CLIP2: variants seen among roughly 807,000 people sequenced by gnomAD.
CLIP2 encodes CAP-Gly domain containing linker protein 2, also known as CAP-Gly domain-containing linker protein 2.
In CLIP2, 41 loss-of-function variants were observed where a neutral mutation model predicts 111.7. That is an observed-to-expected ratio of 0.37 (90% confidence interval 0.29 to 0.48). The LOEUF is 0.48. CLIP2 is among the 20% of genes least tolerant of loss of function. The pLI is 0.99. For synonymous variants in CLIP2, 660 were observed against 644.2 expected (o/e 1.02, Z -0.37); for missense variants, 1,160 against 1,422.1 (o/e 0.82, Z 2.96).
Position 74,376,856 on chromosome 7 carries a change from G to A in CLIP2, c.2421+34G>A. On this transcript the variant is annotated intron_variant, in intron 10 of 16. Coordinates refer to ENST00000223398, the MANE Select transcript of CLIP2 (RefSeq NM_003388.5). This position sits in a 1 kb window ranked among gnomAD's most constrained non-coding sequence, Gnocchi z 7.1. Reference sequence around the variant, plus strand: ...CTGCCCCTCCTGCTGGGGCGGGAGGGTCGGGCTGGGGAGGGCTTGGCCTTT... The same window carrying A: ...CTGCCCCTCCTGCTGGGGCGGGAGGATCGGGCTGGGGAGGGCTTGGCCTTT... 2 of 1,509,362 alleles carry A rather than the reference G, an allele frequency of 1.3e-6. No homozygotes were observed. Among genetic ancestry groups the A allele is most frequent in the Non-Finnish European group, 1.8e-6 (2 of 1,128,968 alleles). The allele number at this position is 1,509,362 out of a possible 1,614,324, so 93.5% of individuals were successfully genotyped here. A position where few individuals can be genotyped will look rare whatever the true frequency, so the allele number is the denominator to read the frequency against.
chr7:74,356,666 G>T (rs781821696), intron 5 of CLIP2, 43 bp downstream of exon 5: 1 of 1,553,632 alleles, frequency 6.4e-7, no homozygotes. Flanking sequence ...GTGTGCGTTT[G>T]GGAGGGGTGA....
intron 15 of CLIP2, 21 bp from the exon 16 acceptor site, chr7:74,401,484 T>C (rs1554317628): frequency 3.1e-6 from 5 of 1,613,466 alleles, no homozygotes; most frequent in Admixed American, 3.3e-5. Flanking sequence ...CCTGGCTCAG[T>C]GTCTCCCCTA....
chr7:74,364,992 GTTGTGTGTGTGTGT>G (rs1197669070), intron 8 of CLIP2: 14 of 307,582 alleles, frequency 4.6e-5, no homozygotes, highest in Admixed American at 3.8e-4. Context: ...CCTGTTTTTT[GTTGTGTGTGTGTGT>G]GTGTGTGTGT....
intron 13 of CLIP2, among the ~76,000 whole-genome samples, chr7:74,394,911 G>A (rs1283235533): frequency 2.0e-5 from 3 of 152,144 alleles, no homozygotes; most frequent in Non-Finnish European, 2.9e-5. Flanking sequence ...CACCTTCTCC[G>A]AGGAAGCTTT....
At chr7:74,341,335 G>T (rs1041523281) in intron 3 of CLIP2, among the ~76,000 whole-genome samples, 2 of 149,628 alleles carry the variant, frequency 1.3e-5, no homozygotes, top group Non-Finnish European at 3.0e-5. Context: ...CTACAGGCAC[G>T]CACCATCACG....
chr7:74,378,461 T>G (rs1790857594), intron 10 of CLIP2, among the ~76,000 whole-genome samples: 1 of 151,850 alleles, frequency 6.6e-6, no homozygotes, highest in African/African-American at 2.4e-5. Context: ...AATTTAGGGG[T>G]GGGTGTGGTG....
At chr7:74,325,250 GTC>G (rs1554730535) in intron 2 of CLIP2, among the ~76,000 whole-genome samples, 1 of 152,144 alleles carries the variant, frequency 6.6e-6, no homozygotes, top group Non-Finnish European at 1.5e-5. Context: ...CTTTGAGAGG[GTC>G]TCTCACGCTA....
intron 3 of CLIP2, among the ~76,000 whole-genome samples, chr7:74,349,283 T>C (rs962670794): frequency 6.6e-6 from 1 of 150,718 alleles, no homozygotes; most frequent in East Asian, 2.0e-4. Flanking sequence ...ATACAAAAAT[T>C]AGCTGGGCGT....
chr7:74,338,725 G>C lies in CLIP2; in HGVS notation c.399G>C (p.Pro133=), dbSNP rs782204931. ...AVGGVRYFEC[P]ALQGIFTRPS... is the part of the protein sequence containing the mutation. ...GCGGCGTGCGCTACTTCGAGTGCCC[G>C]GCCCTCCAGGGTATCTTCACGCGGC... Residue 133 remains proline (P), a synonymous_variant, in exon 3 of 17, where the codon CCG becomes CCC. Coordinates refer to ENST00000223398, the MANE Select transcript of CLIP2 (RefSeq NM_003388.5). This position sits in a 1 kb window ranked among gnomAD's most constrained non-coding sequence, Gnocchi z 4.3. The C allele has an allele frequency of 6.3e-7, 1 of 1,592,810 alleles. No individual in the cohort carries two copies. Among genetic ancestry groups the C allele is most frequent in the East Asian group, 2.3e-5 (1 of 43,886 alleles).
Position 74,338,830 on chromosome 7 carries a change from C to A in CLIP2, c.504C>A (p.Asn168Lys), listed in dbSNP as rs1302563709. 60 of 1,611,048 alleles carry A rather than the reference C, an allele frequency of 3.7e-5. No homozygotes were observed. Among genetic ancestry groups the A allele is most frequent in the Non-Finnish European group, 5.0e-5 (59 of 1,179,926 alleles). ...AHSVESLTAQ[N>K]LSLHSGTATP... ...CCGTGGAGTCGCTGACTGCCCAGAA[C>A]CTGTCATTGCATTCGGGCACGGCCA... is the stretch of plus-strand genomic sequence containing the variant. Residue 168 changes from asparagine (N) to lysine (K), a missense_variant, in exon 3 of 17, where the codon AAC (asparagine) becomes AAA (lysine). Physicochemically the swap from Asn to Lys is moderately conservative, Grantham distance 94. Coordinates refer to ENST00000223398, the MANE Select transcript of CLIP2 (RefSeq NM_003388.5). The surrounding 1 kb of genome is among the most constrained non-coding windows in gnomAD (Gnocchi z 4.3).
At chr7:74,372,401 T>TGGGGG (rs797027650) in intron 8 of CLIP2, among the ~76,000 whole-genome samples, 1 of 13,414 alleles carries the variant, frequency 7.5e-5, no homozygotes, top group Non-Finnish European at 1.4e-4. Context: ...AGCACAGGCC[T>TGGGGG]TGGGGGGGGG....
At chr7:74,346,452 G>C (rs1789798168) in intron 3 of CLIP2, among the ~76,000 whole-genome samples, 1 of 152,228 alleles carries the variant, frequency 6.6e-6, no homozygotes, top group Non-Finnish European at 1.5e-5. Flanking sequence ...TCTGGGCACA[G>C]TGGCTCACGC....
At chr7:74,389,367 T>C in intron 13 of CLIP2, 108 bp downstream of exon 13, 2 of 1,211,892 alleles carry the variant, frequency 1.7e-6, no homozygotes, top group East Asian at 2.7e-5. Context: ...ATAGAGCTGG[T>C]GGGCCAGGTG....
At chr7:74,336,833 T>G (rs1789475638) in intron 2 of CLIP2, among the ~76,000 whole-genome samples, 1 of 151,466 alleles carries the variant, frequency 6.6e-6, no homozygotes. Context: ...TGCAAGCCTG[T>G]GATTACTATG....
In CLIP2 at chr7:74,337,509, G is replaced by A. The variant is rs376835150; in HGVS notation, c.122-939G>A. 2.3e-4 allele frequency among the ~76,000 whole-genome samples: 35 copies of A among 152,190 alleles called. No individual in the cohort carries two copies. In the East Asian group the frequency reaches 6.0e-3, roughly 26 times the overall value. ...GCTGAGGGCCTGAGCCCACCTGGTG[G>A]GGGGGTGGCTTGTAATCCTTGAGAA... is the stretch of plus-strand genomic sequence containing the variant. On this transcript the variant is annotated intron_variant, in intron 2 of 16. Transcript: ENST00000223398.
intron 2 of CLIP2, among the ~76,000 whole-genome samples, chr7:74,320,119 C>A (rs1788903762): frequency 6.7e-6 from 1 of 149,588 alleles, no homozygotes; most frequent in Admixed American, 6.7e-5. Context: ...TTGCTTGAAC[C>A]CGGGAGGCGG....
At chr7:74,306,240 GC>G (rs1788484960) in intron 1 of CLIP2, among the ~76,000 whole-genome samples, 1 of 152,136 alleles carries the variant, frequency 6.6e-6, no homozygotes, top group Non-Finnish European at 1.5e-5. Context: ...CAGGGGCTGT[GC>G]TGAGCCTACC....
chr7:74,386,412 A>G, intron 11 of CLIP2, 109 bp from the exon 12 acceptor site: 1 of 793,892 alleles, frequency 1.3e-6, no homozygotes. Context: ...TGGACCCTGG[A>G]GGCCAAGTGT....
chr7:74,398,671 C>G (rs1186086908), intron 14 of CLIP2, among the ~76,000 whole-genome samples: 1 of 152,216 alleles, frequency 6.6e-6, no homozygotes, highest in Non-Finnish European at 1.5e-5. Flanking sequence ...CCTCAGGGTT[C>G]CGGGATAAAG....
Sources: gnomAD v4.1 joint callset for allele counts (sites outside exome capture counted in the v4.1 genomes callset) on GRCh38, gnomAD v4.1.1 for gene constraint, Gnocchi (gnomAD v3.1) non-coding constraint, MANE v1.5 for transcripts, NCBI Gene and HGNC (gene_info 2026-07-23, HGNC 2026-07-21) for gene names.